GFM1: variants seen among roughly 807,000 people sequenced by gnomAD.
GFM1 encodes the protein elongation factor G, mitochondrial.
A neutral mutation model predicts 96.2 loss-of-function variants in GFM1; 62 were observed. The ratio of observed to expected loss-of-function variants is 0.64; its 90% CI spans 0.53 to 0.80. The LOEUF (loss-of-function observed/expected upper bound fraction) is 0.80. GFM1 is among the 30% of genes least tolerant of loss of function. The probability of loss-of-function intolerance (pLI) is 0.00; values close to 1 mark genes in which losing one functional copy is unlikely to be tolerated. For missense variants in GFM1, 852 were observed against 916.6 expected (o/e 0.93, Z 0.91); for synonymous variants, 282 against 312.9 (o/e 0.90, Z 1.04).
chr3:158,686,299 T>A lies in GFM1; in HGVS notation c.1909+1631T>A, dbSNP rs548996470. Among the ~76,000 whole-genome samples the A allele has an allele frequency of 7.4e-5, 11 of 147,876 alleles. No homozygotes were observed. In the South Asian group the frequency reaches 1.9e-3, roughly 25 times the overall value. On this transcript the variant is annotated intron_variant, in intron 15 of 17. Transcript: ENST00000486715. ...ATATAAACCATATAAAGTATATATA[T>A]AAATATATAATATGTATAATATACT...
intron 14 of GFM1, among the ~76,000 whole-genome samples, chr3:158,683,351 GA>G (rs1459438632): frequency 6.6e-6 from 1 of 152,154 alleles, no homozygotes; most frequent in Non-Finnish European, 1.5e-5. Context: ...GTGTTGCCAG[GA>G]AAAACTAACT....
intron 5 of GFM1, among the ~76,000 whole-genome samples, chr3:158,651,640 A>T (rs9810232): frequency 0.016 from 2,453 of 152,356 alleles, 54 homozygotes; most frequent in African/African-American, 0.057. Flanking sequence ...TGAAGAGTTT[A>T]AACTTTGATT....
intron 16 of GFM1, chr3:158,690,718 C>A: frequency 3.1e-6 from 1 of 321,296 alleles, no homozygotes; most frequent in South Asian, 3.1e-5. Context: ...TGACTTAAAT[C>A]TCAAGGGAGA....
chr3:158,646,485 A>G (rs1489795394), intron 3 of GFM1, among the ~76,000 whole-genome samples, 188 bp downstream of exon 3: 1 of 152,206 alleles, frequency 6.6e-6, no homozygotes, highest in African/African-American at 2.4e-5. Context: ...AAATTTGTGC[A>G]AGTAAATTGT....
chr3:158,662,553 A>T lies in GFM1; in HGVS notation c.1324-75A>T. On this transcript the variant is annotated intron_variant, in intron 10 of 17. Coordinates refer to ENST00000486715, the MANE Select transcript of GFM1 (RefSeq NM_024996.7). The stretch of plus-strand genomic sequence containing the variant: ...CCTTTGTTCTGTTGTAAAGTGGCAC[A>T]TTAAAATTAATCTATCCCTGACCCA... The T allele has an allele frequency of 3.5e-6, 3 of 847,302 alleles. No homozygotes were observed. In the South Asian group the frequency reaches 4.0e-5, roughly 11 times the overall value. 52.5% of individuals were successfully genotyped at this position (847,302 alleles called of 1,614,324 possible).
Position 158,656,006 on chromosome 3 carries a change from G to C in GFM1, c.1083+1375G>C, listed in dbSNP as rs1722722881. 79 of 440,212 alleles carry C rather than the reference G, an allele frequency of 1.8e-4. 1 individual carries two copies. The highest frequency in any genetic ancestry group is 1.3e-3 in the South Asian group (79 of 61,162). The allele number at this position is 440,212 out of a possible 1,614,324, so 27.3% of individuals were successfully genotyped here. ...TTTTGTAGAGTGTCCCTCAATTTGG[G>C]TTTATTATTTGATGCTTTTCACATG... On this transcript the variant is annotated intron_variant, in intron 8 of 17. Transcript: ENST00000486715.
intron 7 of GFM1, among the ~76,000 whole-genome samples, chr3:158,654,205 CTTTTT>C (rs551796824): frequency 1.2e-5 from 1 of 85,972 alleles, no homozygotes; most frequent in South Asian, 5.0e-4. Context: ...CTCTAAAGAC[CTTTTT>C]TTTTTTTTTT....
At chr3:158,649,205 TAAA>T in intron 5 of GFM1, 48 bp downstream of exon 5, 2 of 813,304 alleles carry the variant, frequency 2.5e-6, no homozygotes, top group Non-Finnish European at 4.3e-6. Flanking sequence ...TAAAAAGCAT[TAAA>T]AAGAAGGAAA....
intron 13 of GFM1, chr3:158,669,147 A>G: frequency 6.2e-7 from 1 of 1,606,146 alleles, no homozygotes; most frequent in Non-Finnish European, 8.5e-7. Flanking sequence ...TAGGAGACAC[A>G]TTTATATGAT....
Position 158,644,832 on chromosome 3 carries a change from G to C in GFM1, c.81+117G>C, listed in dbSNP as rs560069814. ...TCATGACTGACAGCTCCGAATACTG[G>C]CAGTCGCTCGTCAGTGCTGAAAAGC... On this transcript the variant is annotated intron_variant, in intron 1 of 17. Transcript: ENST00000486715. 3.6e-6 allele frequency: 3 copies of C among 844,996 alleles called. No homozygotes were observed. In the East Asian group the frequency reaches 8.0e-5, roughly 22 times the overall value. The allele number at this position is 844,996 out of a possible 1,614,324, so 52.3% of individuals were successfully genotyped here. A position where few individuals can be genotyped will look rare whatever the true frequency, so the allele number is the denominator to read the frequency against.
intron 10 of GFM1, among the ~76,000 whole-genome samples, chr3:158,662,068 G>A (rs1301966168): frequency 1.3e-5 from 2 of 152,146 alleles, no homozygotes; most frequent in Admixed American, 6.6e-5. Context: ...AACAGGCCTT[G>A]GTTAGAGTCT....
rs56075263 is a variant in GFM1 at position 158,646,544 on chromosome 3, G to A, written c.368-199G>A. Among the ~76,000 whole-genome samples the A allele has an allele frequency of 0.19, 28,926 of 152,126 alleles. 2,764 individuals are homozygous for A. The highest frequency in any genetic ancestry group is 0.22 in the Non-Finnish European group (14,674 of 67,984). ...ACATATTCTAGCTGATTCTAAAGGT[G>A]CCTGTGCCCTAGTATTTTCTTGAAG... On this transcript the variant is annotated intron_variant, in intron 3 of 17. Coordinates refer to ENST00000486715, the MANE Select transcript of GFM1 (RefSeq NM_024996.7).
chr3:158,682,118 A>C lies in GFM1; in HGVS notation c.1725A>C (p.Gly575=). ...TKLEFSDETF[G]SNIPKQFVPA... ...TGGAATTTTCAGATGAAACATTCGGATCAAATATTCCAAAGCAGTTTGTGC... is the reference window on the plus strand; with the variant it reads ...TGGAATTTTCAGATGAAACATTCGGCTCAAATATTCCAAAGCAGTTTGTGC... The change falls in exon 14 of 18, where the codon GGA becomes GGC. Residue 575 remains glycine (G), a synonymous_variant. Transcript: ENST00000486715. 6.2e-7 allele frequency: 1 copy of C among 1,613,910 alleles called. No homozygotes were observed. The highest frequency in any genetic ancestry group is 8.5e-7 in the Non-Finnish European group (1 of 1,179,884).
At position 158,662,603 on chromosome 3, in the gene GFM1, T is replaced by C. The variant is rs767022167; in HGVS notation, c.1324-25T>C. The stretch of plus-strand genomic sequence containing the variant: ...ATATGGGTCTGTTTTTTAATTCTTC[T>C]GTTTTCTTTTAAAAAATATTTTAGG... On this transcript the variant is annotated intron_variant, in intron 10 of 17. Coordinates refer to ENST00000486715, the MANE Select transcript of GFM1 (RefSeq NM_024996.7). The C allele has an allele frequency of 4.1e-6, 6 of 1,446,928 alleles. No homozygotes were observed. In the East Asian group the frequency reaches 6.8e-5, roughly 16 times the overall value. 89.6% of individuals were successfully genotyped at this position (1,446,928 alleles called of 1,614,324 possible). A position where few individuals can be genotyped will look rare whatever the true frequency, so the allele number is the denominator to read the frequency against.
At chr3:158,690,791 G>A (rs1489146390) in intron 16 of GFM1, among the ~76,000 whole-genome samples, 2 of 152,212 alleles carry the variant, frequency 1.3e-5, no homozygotes, top group Non-Finnish European at 2.9e-5. Context: ...TCATTAAGGT[G>A]TCCAAAGGAA....
intron 4 of GFM1, among the ~76,000 whole-genome samples, chr3:158,647,976 T>G (rs1417970923): frequency 6.6e-6 from 1 of 152,218 alleles, no homozygotes; most frequent in Non-Finnish European, 1.5e-5. Flanking sequence ...CTTCTCATTT[T>G]GGATTGGGCT....
intron 14 of GFM1, chr3:158,682,483 T>G: frequency 3.7e-6 from 1 of 269,608 alleles, no homozygotes; most frequent in Non-Finnish European, 7.3e-6. Flanking sequence ...TGTGTACTAT[T>G]GCAGCAGAAT....
rs1726512078 is a variant in GFM1, at chr3:158,695,518, G to C, written c.*4051G>C. 6.6e-6 allele frequency: 1 copy of C among 152,152 alleles called. No homozygotes were observed. Among genetic ancestry groups the C allele is most frequent in the African/African-American group, 2.4e-5 (1 of 41,438 alleles). The allele number at this position is 152,152 out of a possible 1,614,324, so 9.4% of individuals were successfully genotyped here. A position where few individuals can be genotyped will look rare whatever the true frequency, so the allele number is the denominator to read the frequency against. On this transcript the variant is annotated 3_prime_UTR_variant, in exon 18 of 18. Coordinates refer to ENST00000486715, the MANE Select transcript of GFM1 (RefSeq NM_024996.7). ...TGTTTGTATATTATTTGTATGTATA[G>C]AATTCCCCCTCATAATCTATTGTAC...
intron 13 of GFM1, among the ~76,000 whole-genome samples, chr3:158,673,853 A>C (rs6791844): frequency 0.42 from 63,044 of 151,622 alleles, 14,247 homozygotes; most frequent in African/African-American, 0.6. Context: ...CTTGAGGTGT[A>C]TCTCTTTCTG....
Sources: gnomAD v4.1 joint callset for allele counts (sites outside exome capture counted in the v4.1 genomes callset) on GRCh38, gnomAD v4.1.1 for gene constraint, MANE v1.5 for transcripts, NCBI Gene and HGNC (gene_info 2026-07-23, HGNC 2026-07-21) for gene names.